CDC42BPA: variants seen among roughly 807,000 people sequenced by gnomAD.
CDC42BPA encodes the protein CDC42 binding protein kinase alpha, also known as serine/threonine-protein kinase MRCK alpha.
CDC42BPA carries 80 observed loss-of-function variants against 223.5 expected under a neutral mutation model. The ratio of observed to expected loss-of-function variants is 0.36; its 90% CI spans 0.30 to 0.43. CDC42BPA has a LOEUF of 0.43. CDC42BPA is among the 20% of genes least tolerant of loss of function. The pLI is 1.00. For missense variants in CDC42BPA, 1,743 were observed against 2,099.9 expected (o/e 0.83, Z 3.32); for synonymous variants, 694 against 718.6 (o/e 0.97, Z 0.55).
chr1:227,019,731 A>C (rs987078689), intron 32 of CDC42BPA, among the ~76,000 whole-genome samples: 9 of 152,178 alleles, frequency 5.9e-5, no homozygotes, highest in Non-Finnish European at 1.0e-4. Context: ...TGGGTGACTT[A>C]GGTGCATTGT....
At chr1:227,297,952 G>GTATATATATATATATA (rs1416531677) in intron 1 of CDC42BPA, among the ~76,000 whole-genome samples, 4 of 80,898 alleles carry the variant, frequency 4.9e-5, no homozygotes, top group African/African-American at 1.7e-4. Context: ...GTGTGTGTGT[G>GTATATATATATATATA]TGTATATATA....
chr1:227,318,006 C>A lies in CDC42BPA; in HGVS notation c.-824G>T. 2.6e-6 allele frequency: 1 copy of A among 382,500 alleles called. No homozygotes were observed. The highest frequency in any genetic ancestry group is 4.6e-6 in the Non-Finnish European group (1 of 216,552). 23.7% of individuals were successfully genotyped at this position (382,500 alleles called of 1,614,324 possible). A position where few individuals can be genotyped will look rare whatever the true frequency, so the allele number is the denominator to read the frequency against. On this transcript the variant is annotated 5_prime_UTR_variant, in exon 1 of 37. Coordinates refer to ENST00000366766, the MANE Select transcript of CDC42BPA (RefSeq NM_001394014.1). ...TGCGGGCGGCACTGGCACCGGGCTC[C>A]GGAGAAGCGGCTACTTGGCCGCCCG...
chr1:227,073,200 G>A (rs1288848119), intron 19 of CDC42BPA, among the ~76,000 whole-genome samples: 6 of 152,076 alleles, frequency 3.9e-5, no homozygotes, highest in African/African-American at 9.7e-5. Flanking sequence ...GTGATGTGAA[G>A]TTTCTATTGT....
At chr1:227,005,199 GA>G in intron 34 of CDC42BPA, 88 bp from the exon 35 acceptor site, 1 of 864,698 alleles carries the variant, frequency 1.2e-6, no homozygotes, top group Non-Finnish European at 1.9e-6. Context: ...TAATTACCAA[GA>G]AATAAAATCA....
chr1:227,300,454 G>GTA (rs1024903293), intron 1 of CDC42BPA, among the ~76,000 whole-genome samples: 2 of 151,908 alleles, frequency 1.3e-5, no homozygotes, highest in African/African-American at 4.8e-5. Context: ...AGAATATATG[G>GTA]TATATATATA....
At chr1:227,148,977 A>G (rs754640361) in intron 6 of CDC42BPA, among the ~76,000 whole-genome samples, 3 of 151,930 alleles carry the variant, frequency 2.0e-5, no homozygotes, top group Non-Finnish European at 4.4e-5. Context: ...TTTAACATAC[A>G]CAAAAGCGAG....
intron 5 of CDC42BPA, among the ~76,000 whole-genome samples, chr1:227,167,078 G>T (rs993090344): frequency 2.6e-5 from 4 of 152,142 alleles, no homozygotes; most frequent in African/African-American, 7.2e-5. Context: ...TGATCACTGA[G>T]CTAAGATTTT....
intron 11 of CDC42BPA, 130 bp downstream of exon 11, chr1:227,128,979 G>A: frequency 1.5e-6 from 1 of 645,506 alleles, no homozygotes; most frequent in Non-Finnish European, 2.6e-6. Flanking sequence ...ATTCTTATTT[G>A]CCCTTCCCTG....
chr1:227,128,068 C>G (rs1029861765), intron 11 of CDC42BPA, among the ~76,000 whole-genome samples: 1 of 152,284 alleles, frequency 6.6e-6, no homozygotes, highest in South Asian at 2.1e-4. Flanking sequence ...TAAGGCTCTA[C>G]TGATCAGGCA....
chr1:227,216,131 TATAC>T (rs146047577), intron 2 of CDC42BPA, among the ~76,000 whole-genome samples: 14,603 of 144,250 alleles, frequency 0.1, 1,144 homozygotes, highest in East Asian at 0.36. Flanking sequence ...TATATATATA[TATAC>T]ACACACACAC....
At chr1:227,241,659 C>T (rs534788996) in intron 2 of CDC42BPA, among the ~76,000 whole-genome samples, 2 of 152,178 alleles carry the variant, frequency 1.3e-5, no homozygotes, top group South Asian at 4.1e-4. Flanking sequence ...CAGCGGTTGC[C>T]ATTTGATGGA....
chr1:227,314,618 T>C (rs557779133), intron 1 of CDC42BPA, among the ~76,000 whole-genome samples: 1 of 152,186 alleles, frequency 6.6e-6, no homozygotes, highest in South Asian at 2.1e-4. Context: ...CTTGGCTGAC[T>C]GTACTTTAAG....
chr1:227,285,924 G>A (rs552697005), intron 1 of CDC42BPA, among the ~76,000 whole-genome samples: 5 of 152,192 alleles, frequency 3.3e-5, no homozygotes, highest in African/African-American at 4.8e-5. Flanking sequence ...ATCCTGAGTC[G>A]GCACAAGGCA....
At chr1:227,137,916 A>G (rs889082036) in intron 10 of CDC42BPA, among the ~76,000 whole-genome samples, 1 of 152,144 alleles carries the variant, frequency 6.6e-6, no homozygotes, top group Non-Finnish European at 1.5e-5. Flanking sequence ...CATATTCTAC[A>G]CATGAATATG....
chr1:227,153,479 T>C (rs1572011166), intron 6 of CDC42BPA, among the ~76,000 whole-genome samples: 1 of 152,004 alleles, frequency 6.6e-6, no homozygotes, highest in African/African-American at 2.4e-5. Context: ...TATTTAGAAT[T>C]GAACAGTAGA....
At position 227,031,373 on chromosome 1, in the gene CDC42BPA, A is replaced by T; in HGVS notation, c.3700T>A (p.Ser1234Thr). 6.2e-7 allele frequency: 1 copy of T among 1,614,094 alleles called. No individual in the cohort carries two copies. Among genetic ancestry groups the T allele is most frequent in the Non-Finnish European group, 8.5e-7 (1 of 1,179,994 alleles). Reference protein sequence around the residue: ...ILKKNKFRDRSVYVPKEAYDS... With the variant: ...ILKKNKFRDRTVYVPKEAYDS... Reference sequence around the variant, plus strand: ...TAAGCCTCTTTGGGAACATAGACTGAGCGGTCTCTGAATTTGTTTTTCTTC... The same window carrying T: ...TAAGCCTCTTTGGGAACATAGACTGTGCGGTCTCTGAATTTGTTTTTCTTC... Residue 1234 changes from serine to threonine, a missense_variant, in exon 28 of 37, where the codon TCA becomes ACA. Coordinates refer to ENST00000366766, the MANE Select transcript of CDC42BPA (RefSeq NM_001394014.1).
At chr1:227,100,791 T>C (rs1164468529) in intron 15 of CDC42BPA, among the ~76,000 whole-genome samples, 3 of 140,856 alleles carry the variant, frequency 2.1e-5, no homozygotes, top group Non-Finnish European at 4.7e-5. Context: ...TGTGCCATCA[T>C]ACCCAGCTAG....
chr1:227,126,241 C>G (rs1047240069), intron 11 of CDC42BPA, among the ~76,000 whole-genome samples: 18 of 152,134 alleles, frequency 1.2e-4, no homozygotes, highest in African/African-American at 4.8e-5. Context: ...TGTGTGGCCT[C>G]CAGGGGTGCC....
rs114530363 is a variant in CDC42BPA, at chr1:227,079,661, A to G, written c.2480+1232T>C. Among the ~76,000 whole-genome samples, 910 of 152,230 alleles carry G rather than the reference A, an allele frequency of 6.0e-3. 10 individuals are homozygous for G. Among genetic ancestry groups the G allele is most frequent in the African/African-American group, 0.021 (857 of 41,562 alleles). On this transcript the variant is annotated intron_variant, in intron 17 of 36. Coordinates refer to ENST00000366766, the MANE Select transcript of CDC42BPA (RefSeq NM_001394014.1). ...TCTAGAACCCAAATAAATTTCCACA[A>G]TCTGCATATTCCCTTTATATGCACT...
Sources: gnomAD v4.1 joint callset for allele counts (sites outside exome capture counted in the v4.1 genomes callset) on GRCh38, gnomAD v4.1.1 for gene constraint, MANE v1.5 for transcripts, NCBI Gene and HGNC (gene_info 2026-07-23, HGNC 2026-07-21) for gene names.